The following ALS2 variants were observed in gnomAD, a reference collection of about 807,000 sequenced individuals.
The protein encoded by ALS2 is alsin Rho guanine nucleotide exchange factor ALS2.
Under a neutral mutation model 203.4 loss-of-function variants are expected in ALS2, and 117 were observed. The observed-to-expected ratio is 0.58, with a 90% CI of 0.50 to 0.67. The LOEUF (loss-of-function observed/expected upper bound fraction) is 0.67, where lower values mean the gene tolerates loss of function less well. ALS2 is among the 30% of genes least tolerant of loss of function. The pLI, the probability that ALS2 is intolerant of heterozygous loss-of-function variation, is 0.00. For missense variants in ALS2, 1,715 were observed against 1,989.4 expected, an observed-to-expected ratio of 0.86 and a Z score of 2.62; for synonymous variants, 718 against 725.9, an observed-to-expected ratio of 0.99 and a Z score of 0.17.
At chr2:201,758,759 CAT>C (rs1491518888) in intron 4 of ALS2, among the ~76,000 whole-genome samples, 136 of 132,052 alleles carry the variant, frequency 1.0e-3, no homozygotes, top group East Asian at 8.7e-3. Flanking sequence ...TGTGTGTGCG[CAT>C]GTGTGTGTGT....
chr2:201,752,522 C>T (rs1366336809), intron 7 of ALS2, among the ~76,000 whole-genome samples: 2 of 151,516 alleles, frequency 1.3e-5, no homozygotes, highest in Non-Finnish European at 2.9e-5. Flanking sequence ...TTTGGCTAGC[C>T]TAGTATGTGA....
At chr2:201,714,811 A>G (rs1690260443) in intron 25 of ALS2, among the ~76,000 whole-genome samples, 1 of 152,186 alleles carries the variant, frequency 6.6e-6, no homozygotes, top group Admixed American at 6.5e-5. Context: ...GGTACTAATT[A>G]GGATCAAATT....
intron 11 of ALS2, among the ~76,000 whole-genome samples, chr2:201,740,110 T>A (rs554938927): frequency 6.6e-6 from 1 of 151,956 alleles, no homozygotes; most frequent in African/African-American, 2.4e-5. Context: ...GGATAACTTA[T>A]GCCCAGGAGT....
Position 201,705,438 on chromosome 2 carries a change from G to C in ALS2, c.4604C>G (p.Ser1535Ter). Residue 1535 changes from serine (S) to a stop codon, truncating the protein, a stop_gained, in exon 30 of 34, where the codon TCA (serine) becomes TGA (stop). Transcript: ENST00000264276. LOFTEE classifies it high-confidence loss of function. ...TACCTTTTTACTCTCTCCAAGGATTGACAAGGTTGCTGGCCAAAATTTCCT... is the reference window on the plus strand; with the variant it reads ...TACCTTTTTACTCTCTCCAAGGATTCACAAGGTTGCTGGCCAAAATTTCCT... ...VQRKFWPATLSILGESKKVLP... is the reference protein window; with the variant it reads ...VQRKFWPATL 1 of 1,613,540 alleles carries C rather than the reference G, an allele frequency of 6.2e-7. No individual in the cohort carries two copies.
intron 11 of ALS2, 108 bp downstream of exon 11, chr2:201,741,566 A>G: frequency 1.7e-6 from 2 of 1,190,308 alleles, no homozygotes; most frequent in South Asian, 1.3e-5. Flanking sequence ...TGCAATTTCT[A>G]TTACCTTATA....
chr2:201,724,969 C>T (rs1194451825), intron 20 of ALS2, among the ~76,000 whole-genome samples: 6 of 151,842 alleles, frequency 4.0e-5, no homozygotes, highest in South Asian at 2.1e-4. Flanking sequence ...AAAAATTAGC[C>T]GGGTGTGGTG....
At chr2:201,758,785 T>TGTGTGTGTG (rs1491448163) in intron 4 of ALS2, among the ~76,000 whole-genome samples, 1 of 151,750 alleles carries the variant, frequency 6.6e-6, no homozygotes, top group Non-Finnish European at 1.5e-5. Flanking sequence ...TGTGTGTGTG[T>TGTGTGTGTG]TTGTTTGTAT....
chr2:201,739,642 C>G (rs1692136158), intron 11 of ALS2, among the ~76,000 whole-genome samples: 1 of 151,690 alleles, frequency 6.6e-6, no homozygotes, highest in African/African-American at 2.4e-5. Flanking sequence ...ACTTGGGAGG[C>G]TGAGGCAGAA....
intron 12 of ALS2, 33 bp from the exon 13 acceptor site, chr2:201,733,471 C>T: frequency 6.3e-7 from 1 of 1,593,218 alleles, no homozygotes; most frequent in Non-Finnish European, 8.6e-7. Context: ...TTTAGTTAAT[C>T]ATTTTGGAAT....
At chr2:201,715,424 G>A (rs1690309686) in intron 25 of ALS2, among the ~76,000 whole-genome samples, 1 of 152,104 alleles carries the variant, frequency 6.6e-6, no homozygotes, top group African/African-American at 2.4e-5. Flanking sequence ...TTGAATTCAG[G>A]TTTTCTTCCT....
chr2:201,723,049 A>C lies in ALS2; in HGVS notation c.3696T>G (p.Ser1232Arg), dbSNP rs1213458821. 1 of 1,609,374 alleles carries C rather than the reference A, an allele frequency of 6.2e-7. No homozygotes were observed. Among genetic ancestry groups the C allele is most frequent in the Non-Finnish European group, 8.5e-7 (1 of 1,177,248 alleles). Residue 1232 changes from serine (S) to arginine (R), a missense_variant, in exon 23 of 34, where the codon AGT (serine) becomes AGG (arginine). Physicochemically the swap from Ser to Arg is moderately radical, Grantham distance 110. This residue lies in a region of ALS2 where 1,227 missense variants were observed against 1,413.5 expected (regional missense o/e 0.87). Transcript: ENST00000264276. Reference sequence around the variant, plus strand: ...AAGAAAGCTAGTTTCCAACCTTTCCACTAAGAGTCCAGTCATCTGAAAATT... The same window carrying C: ...AAGAAAGCTAGTTTCCAACCTTTCCCCTAAGAGTCCAGTCATCTGAAAATT... ...EGEFSDDWTL[S>R]GKGTLTMPNG...
At position 201,724,342 on chromosome 2, in the gene ALS2, C is replaced by G; in HGVS notation, c.3465G>C (p.Trp1155Cys). 6.2e-7 allele frequency: 1 copy of G among 1,613,966 alleles called. No individual in the cohort carries two copies. The highest frequency in any genetic ancestry group is 8.5e-7 in the Non-Finnish European group (1 of 1,179,910). Reference protein sequence around the residue: ...SSSPSMFIGQWVMDKKAGYGV... With the variant: ...SSSPSMFIGQCVMDKKAGYGV... ...CATATCCTGCTTTCTTATCCATTAC[C>G]CACTGGCCAATGAACATACTAGGAG... Residue 1155 changes from tryptophan (W) to cysteine (C), a missense_variant, in exon 21 of 34, where the codon TGG (tryptophan) becomes TGC (cysteine). Transcript: ENST00000264276.
intron 1 of ALS2, among the ~76,000 whole-genome samples, chr2:201,777,854 G>A (rs1361904055): frequency 6.6e-6 from 1 of 152,068 alleles, no homozygotes; most frequent in Non-Finnish European, 1.5e-5. Context: ...ACATACTTGA[G>A]ATGTATATAT....
chr2:201,717,991 G>C, intron 24 of ALS2, 86 bp downstream of exon 24: 1 of 1,378,684 alleles, frequency 7.3e-7, no homozygotes, highest in Non-Finnish European at 1.0e-6. Flanking sequence ...ACTTGACTTT[G>C]CTTTTAAAAT....
intron 27 of ALS2, among the ~76,000 whole-genome samples, chr2:201,709,326 A>C (rs1275103730): frequency 1.3e-5 from 2 of 152,116 alleles, no homozygotes; most frequent in Non-Finnish European, 2.9e-5. Context: ...GACATACTAC[A>C]TATATTTTTT....
At chr2:201,764,155 T>A (rs1037616810) in intron 3 of ALS2, among the ~76,000 whole-genome samples, 1 of 152,150 alleles carries the variant, frequency 6.6e-6, no homozygotes, top group Non-Finnish European at 1.5e-5. Context: ...AATACTGACA[T>A]GAGAAAATAA....
At position 201,725,373 on chromosome 2, in the gene ALS2, G is replaced by A. The variant is rs375386357; in HGVS notation, c.3330C>T (p.Cys1110=). The change falls in exon 20 of 34, where the codon TGC becomes TGT. Residue 1110 remains cysteine (C), a synonymous_variant. Coordinates refer to ENST00000264276, the MANE Select transcript of ALS2 (RefSeq NM_020919.4). The stretch of plus-strand genomic sequence containing the variant: ...AATGTTACCTGTAGACTCCTTGACC[G>A]CACATTTTTCCTTCTTTCCAATGGC... ...YVGHWKEGKM[C]GQGVYSYASG... The A allele has an allele frequency of 5.7e-5, 92 of 1,613,286 alleles. No individual in the cohort carries two copies. Among genetic ancestry groups the A allele is most frequent in the Non-Finnish European group, 7.0e-5 (82 of 1,179,564 alleles).
intron 19 of ALS2, 63 bp from the exon 20 acceptor site, chr2:201,725,517 G>C: frequency 7.9e-7 from 1 of 1,260,792 alleles, no homozygotes; most frequent in Non-Finnish European, 1.2e-6. Context: ...CCTTTTGTAT[G>C]TATATCCTGG....
chr2:201,767,099 A>G (rs750467273), intron 3 of ALS2, 130 bp downstream of exon 3: 30 of 1,073,010 alleles, frequency 2.8e-5, no homozygotes, highest in Non-Finnish European at 3.9e-5. Context: ...TAATAATAAT[A>G]AAATTTAAAA....
Sources: gnomAD v4.1 joint callset for allele counts (sites outside exome capture counted in the v4.1 genomes callset) on GRCh38, gnomAD v4.1.1 for gene constraint, gnomAD v4.1.1 regional missense constraint, MANE v1.5 for transcripts, NCBI Gene and HGNC (gene_info 2026-07-23, HGNC 2026-07-21) for gene names.